The following WNK1 variants were observed in gnomAD, a reference collection of about 807,000 sequenced individuals.
WNK1 encodes the protein WNK lysine deficient protein kinase 1.
Under a neutral mutation model 222.8 loss-of-function variants are expected in WNK1, and 38 were observed. That is an observed-to-expected ratio of 0.17 (90% CI 0.13 to 0.22). The LOEUF is 0.22. Ranked by LOEUF, WNK1 falls within the 10% of genes least tolerant of loss-of-function variation. The probability of loss-of-function intolerance (pLI) is 1.00; values close to 1 mark genes in which losing one functional copy is unlikely to be tolerated. For synonymous variants in WNK1, 1,090 were observed against 1,092.9 expected (o/e 1.00, Z 0.05); for missense variants, 2,348 against 2,918.4 (o/e 0.80, Z 4.50).
chr12:841,517 T>A (rs35012484), intron 4 of WNK1, among the ~76,000 whole-genome samples: 19,829 of 152,244 alleles, frequency 0.13, 1,594 homozygotes, highest in Middle Eastern at 0.21. Flanking sequence ...TATTTCCCTT[T>A]AGTTCTTTAG....
At chr12:806,222 T>C (rs1946355772) in intron 1 of WNK1, among the ~76,000 whole-genome samples, 1 of 152,214 alleles carries the variant, frequency 6.6e-6, no homozygotes, top group Non-Finnish European at 1.5e-5. Flanking sequence ...CTAAAACTCA[T>C]GGCAGTTACT....
chr12:802,184 A>T (rs1375369540), intron 1 of WNK1, among the ~76,000 whole-genome samples: 1 of 152,224 alleles, frequency 6.6e-6, no homozygotes, highest in African/African-American at 2.4e-5. Flanking sequence ...TGAACGTTTT[A>T]AAGCCCCAAA....
In WNK1 at chr12:753,475, T is replaced by G. The variant is rs3088353; in HGVS notation, c.-91T>G. Reference sequence around the variant, plus strand: ...CGGCGCGAACCCGCCCGGCCGCGGTTCCCTGCAGACCTCTGCGCGGGCGGC... The same window carrying G: ...CGGCGCGAACCCGCCCGGCCGCGGTGCCCTGCAGACCTCTGCGCGGGCGGC... On this transcript the variant is annotated 5_prime_UTR_variant, in exon 1 of 28. Coordinates refer to ENST00000315939, the MANE Select transcript of WNK1 (RefSeq NM_018979.4). The surrounding 1 kb of genome is among the most constrained non-coding windows in gnomAD (Gnocchi z 5.2). The G allele has an allele frequency of 0.44, 693,940 of 1,561,778 alleles. 157,617 individuals carry two copies. Among genetic ancestry groups the G allele is most frequent in the Admixed American group, 0.47 (26,727 of 56,468 alleles).
At chr12:855,849 G>GT (rs994776853) in intron 4 of WNK1, among the ~76,000 whole-genome samples, 11 of 150,918 alleles carry the variant, frequency 7.3e-5, no homozygotes, top group South Asian at 4.2e-4. Context: ...TTTTGTTTTT[G>GT]TTTTTTTTAA....
chr12:843,766 C>T (rs1210814728), intron 4 of WNK1, among the ~76,000 whole-genome samples: 1 of 152,192 alleles, frequency 6.6e-6, no homozygotes, highest in Non-Finnish European at 1.5e-5. Context: ...GAATCAGCAT[C>T]TCAGGGTGCT....
At chr12:887,962 A>C (rs768364390) in intron 20 of WNK1, among the ~76,000 whole-genome samples, 11 of 152,092 alleles carry the variant, frequency 7.2e-5, no homozygotes, top group Non-Finnish European at 1.0e-4. Context: ...ACTTGAGTGC[A>C]GTGGTGGACA....
chr12:753,910 TCCACCGGAGCC>T lies in WNK1; in HGVS notation c.353_363del (p.Glu118GlyfsTer49). The T allele has an allele frequency of 6.2e-7, 1 of 1,610,166 alleles. No individual in the cohort carries two copies. The highest frequency in any genetic ancestry group is 1.3e-5 in the African/African-American group (1 of 74,926). On this transcript the variant is annotated frameshift_variant, in exon 1 of 28. Coordinates refer to ENST00000315939, the MANE Select transcript of WNK1 (RefSeq NM_018979.4). LOFTEE classifies it high-confidence loss of function. The surrounding 1 kb of genome is among the most constrained non-coding windows in gnomAD (Gnocchi z 5.2). ...TCCCCGCGGCTGTCCCGCAGAGTGCTCCACCGGAGCCCCACCGGGAAGAGACCGTGACCGCC... is the reference window on the plus strand; with the variant it reads ...TCCCCGCGGCTGTCCCGCAGAGTGCTCCACCGGGAAGAGACCGTGACCGCC...
chr12:904,048 G>A (rs1015900146), intron 26 of WNK1, among the ~76,000 whole-genome samples: 8 of 152,190 alleles, frequency 5.3e-5, no homozygotes, highest in Admixed American at 4.6e-4. Context: ...GCATTTAACT[G>A]AGTGCTTTTT....
chr12:760,130 A>C (rs943702152), intron 1 of WNK1, among the ~76,000 whole-genome samples: 7 of 147,848 alleles, frequency 4.7e-5, no homozygotes, highest in African/African-American at 1.7e-4. Flanking sequence ...TAATTTTGTG[A>C]CCCATCACCC....
At chr12:893,823 A>AAATAATAATAATAATAAT (rs56048238) in intron 22 of WNK1, among the ~76,000 whole-genome samples, 10,831 of 143,656 alleles carry the variant, frequency 0.075, 557 homozygotes, top group Admixed American at 0.15. Context: ...ACTCCATCTC[A>AAATAATAATAATAATAAT]AATAATAATA....
chr12:896,100 A>T lies in WNK1; in HGVS notation c.5613A>T (p.Lys1871Asn). 1 of 1,614,232 alleles carries T rather than the reference A, an allele frequency of 6.2e-7. No individual in the cohort carries two copies. The highest frequency in any genetic ancestry group is 8.5e-7 in the Non-Finnish European group (1 of 1,180,044). ...QVSVAADGAQ[K>N]EGKNKSEDAK... ...CTGTTGCAGCAGACGGTGCCCAGAA[A>T]GAGGGTAAAAATAAGTCAGAAGATG... The change falls in exon 24 of 28, where the codon AAA (lysine) becomes AAT (asparagine). Residue 1871 changes from lysine to asparagine, a missense_variant. Physicochemically the swap from Lys to Asn is moderately conservative, Grantham distance 94. Coordinates refer to ENST00000315939, the MANE Select transcript of WNK1 (RefSeq NM_018979.4).
chr12:779,843 G>A (rs1306183839), intron 1 of WNK1, among the ~76,000 whole-genome samples: 1 of 152,066 alleles, frequency 6.6e-6, no homozygotes, highest in African/African-American at 2.4e-5. Flanking sequence ...CTGTGGATGC[G>A]AAGAACTCTG....
At chr12:804,460 C>T (rs1431058942) in intron 1 of WNK1, among the ~76,000 whole-genome samples, 1 of 151,086 alleles carries the variant, frequency 6.6e-6, no homozygotes, top group African/African-American at 2.4e-5. Context: ...GCAACCTATG[C>T]GTCCCAGGTT....
At chr12:842,472 G>A (rs994879114) in intron 4 of WNK1, among the ~76,000 whole-genome samples, 4 of 151,966 alleles carry the variant, frequency 2.6e-5, no homozygotes, top group East Asian at 3.9e-4. Context: ...TATGGGGCTA[G>A]GTCTGTATTT....
At chr12:907,025 A>AAAAAAAAAAAAAAAAAAG (rs1955762510) in intron 26 of WNK1, among the ~76,000 whole-genome samples, 1 of 25,560 alleles carries the variant, frequency 3.9e-5, no homozygotes, top group Non-Finnish European at 1.3e-4. Flanking sequence ...CCCTTCCTTT[A>AAAAAAAAAAAAAAAAAAG]AAAAAAAAAA....
At chr12:756,365 C>T (rs769969022) in intron 1 of WNK1, among the ~76,000 whole-genome samples, 9 of 152,136 alleles carry the variant, frequency 5.9e-5, no homozygotes, top group Non-Finnish European at 1.0e-4. Context: ...TCTAATGTCA[C>T]GATAAAAACT....
Position 885,609 on chromosome 12 carries a change from C to G in WNK1, c.4805C>G (p.Pro1602Arg), listed in dbSNP as rs1437689611. Residue 1602 changes from proline (P) to arginine (R), a missense_variant, in exon 19 of 28, where the codon CCC (proline) becomes CGC (arginine). Physicochemically the swap from Pro to Arg is moderately radical, Grantham distance 103. This residue lies in a region of WNK1 where 1,144 missense variants were observed against 1,273.6 expected (regional missense o/e 0.90). Coordinates refer to ENST00000315939, the MANE Select transcript of WNK1 (RefSeq NM_018979.4). Reference sequence around the variant, plus strand: ...TTACCCCAAGTACCTAGTATCCCACCCTTGGTACAGCCTGTTGCCAATGTG... The same window carrying G: ...TTACCCCAAGTACCTAGTATCCCACGCTTGGTACAGCCTGTTGCCAATGTG... Reference protein sequence around the residue: ...PLLPQVPSIPPLVQPVANVPA... With the variant: ...PLLPQVPSIPRLVQPVANVPA... 1.2e-6 allele frequency: 2 copies of G among 1,614,038 alleles called. No homozygotes were observed. The highest frequency in any genetic ancestry group is 4.5e-5 in the East Asian group (2 of 44,902).
Position 807,293 on chromosome 12 carries a change from G to GT in WNK1, c.760-6331dup, listed in dbSNP as rs71051387. Among the ~76,000 whole-genome samples, 1,113 of 128,780 alleles carry GT rather than the reference G, an allele frequency of 8.6e-3. 10 individuals carry two copies. Among genetic ancestry groups the GT allele is most frequent in the South Asian group, 0.042 (171 of 4,082 alleles). 84.5% of individuals were successfully genotyped at this position (128,780 alleles called of 152,430 possible). Reference sequence around the variant, plus strand: ...GGCAACAGAGTGAGACCCTGTCTCTGTTTTTTTTTTTTTTTTTTCCGGAGA... The same window carrying GT: ...GGCAACAGAGTGAGACCCTGTCTCTGTTTTTTTTTTTTTTTTTTTCCGGAGA... On this transcript the variant is annotated intron_variant, in intron 1 of 27. Transcript: ENST00000315939.
At chr12:767,367 C>T (rs766958031) in intron 1 of WNK1, among the ~76,000 whole-genome samples, 5 of 150,410 alleles carry the variant, frequency 3.3e-5, no homozygotes, top group Non-Finnish European at 5.9e-5. Flanking sequence ...ATTCTCCTGC[C>T]TCAGCCTGCT....
Sources: allele counts gnomAD v4.1 joint callset (sites outside exome capture counted in the v4.1 genomes callset), GRCh38; gene constraint gnomAD v4.1.1; regional missense constraint gnomAD v4.1.1; non-coding constraint Gnocchi (gnomAD v3.1); transcripts MANE v1.5; gene names NCBI Gene and HGNC (gene_info 2026-07-23, HGNC 2026-07-21).